The following R3HCC1L variants were observed in gnomAD, a reference collection of about 807,000 sequenced individuals.
R3HCC1L encodes coiled-coil domain-containing protein R3HCC1L.
A neutral mutation model predicts 59.9 loss-of-function variants in R3HCC1L; 51 were observed. The ratio of observed to expected loss-of-function variants is 0.85; its 90% CI spans 0.68 to 1.07. The LOEUF is 1.07. Ranked by LOEUF, R3HCC1L falls within the 50% of genes least tolerant of loss-of-function variation. The pLI, the probability that R3HCC1L is intolerant of heterozygous loss-of-function variation, is 0.00. For missense variants in R3HCC1L, 965 were observed against 933.0 expected (o/e 1.03, Z -0.45); for synonymous variants, 322 against 315.2 (o/e 1.02, Z -0.23).
At chr10:98,227,579 T>G (rs201368831) in intron 5 of R3HCC1L, among the ~76,000 whole-genome samples, 42 of 120,700 alleles carry the variant, frequency 3.5e-4, no homozygotes, top group African/African-American at 4.5e-4. Flanking sequence ...AGTGTGTGTT[T>G]TTTTTTTTTT....
intron 5 of R3HCC1L, among the ~76,000 whole-genome samples, chr10:98,218,797 T>C (rs1437645436): frequency 6.6e-6 from 1 of 152,228 alleles, no homozygotes; most frequent in Non-Finnish European, 1.5e-5. Context: ...TATTATTGTA[T>C]TGGAGTCTAT....
intron 4 of R3HCC1L, among the ~76,000 whole-genome samples, chr10:98,177,076 A>G (rs935208544): frequency 1.3e-5 from 2 of 152,060 alleles, no homozygotes; most frequent in Admixed American, 1.3e-4. Flanking sequence ...ACATGTGCAC[A>G]ATGTGTAGGT....
intron 9 of R3HCC1L, among the ~76,000 whole-genome samples, chr10:98,243,191 C>A (rs1322423597): frequency 6.6e-6 from 1 of 152,218 alleles, no homozygotes; most frequent in African/African-American, 2.4e-5. Flanking sequence ...ATTCTGAATT[C>A]ATCTCGATTT....
chr10:98,239,901 G>A (rs1196481134), intron 9 of R3HCC1L, among the ~76,000 whole-genome samples: 3 of 152,010 alleles, frequency 2.0e-5, no homozygotes, highest in Non-Finnish European at 2.9e-5. Flanking sequence ...TCTCTGTGTT[G>A]CCTAGGCTAG....
chr10:98,244,407 G>A lies in R3HCC1L; in HGVS notation c.*249G>A, dbSNP rs775993184. On this transcript the variant is annotated 3_prime_UTR_variant, in exon 10 of 10. Coordinates refer to ENST00000298999, the MANE Select transcript of R3HCC1L (RefSeq NM_001351015.2). ...CCATCAGCTAGGAAGAAACGTGGGAGATGTGAATTCCAAGAGTTGCCTGGA... is the reference window on the plus strand; with the variant it reads ...CCATCAGCTAGGAAGAAACGTGGGAAATGTGAATTCCAAGAGTTGCCTGGA... The A allele has an allele frequency of 1.4e-5, 5 of 368,916 alleles. No homozygotes were observed. Among genetic ancestry groups the A allele is most frequent in the Non-Finnish European group, 2.5e-5 (5 of 197,902 alleles). The allele number at this position is 368,916 out of a possible 1,614,324, so 22.9% of individuals were successfully genotyped here.
At chr10:98,188,369 C>G (rs1850462579) in intron 4 of R3HCC1L, among the ~76,000 whole-genome samples, 1 of 152,206 alleles carries the variant, frequency 6.6e-6, no homozygotes, top group East Asian at 1.9e-4. Context: ...TTATTGAAAG[C>G]TAAAATATAC....
intron 9 of R3HCC1L, among the ~76,000 whole-genome samples, chr10:98,239,795 A>G (rs189543379): frequency 2.6e-5 from 4 of 152,212 alleles, no homozygotes; most frequent in African/African-American, 9.6e-5. Flanking sequence ...CGTCCCAGGC[A>G]TAAGGAATCC....
intron 2 of R3HCC1L, among the ~76,000 whole-genome samples, chr10:98,161,326 T>G (rs571172082): frequency 5.3e-5 from 8 of 152,330 alleles, no homozygotes; most frequent in South Asian, 4.1e-4. Context: ...TTATATCTTT[T>G]TGTGTGAAAT....
chr10:98,190,501 T>C (rs1850709651), intron 4 of R3HCC1L, among the ~76,000 whole-genome samples: 1 of 152,168 alleles, frequency 6.6e-6, no homozygotes, highest in Non-Finnish European at 1.5e-5. Context: ...CTGTTTAGAA[T>C]AGTATTTCAA....
intron 4 of R3HCC1L, among the ~76,000 whole-genome samples, chr10:98,185,532 A>C (rs1850140260): frequency 6.6e-6 from 1 of 152,178 alleles, no homozygotes; most frequent in African/African-American, 2.4e-5. Context: ...GCTGTAGGGA[A>C]GTAGAGTAGG....
chr10:98,198,787 C>T (rs137863280), intron 4 of R3HCC1L, among the ~76,000 whole-genome samples: 1 of 151,992 alleles, frequency 6.6e-6, no homozygotes, highest in Non-Finnish European at 1.5e-5. Flanking sequence ...CTGAAGCCAA[C>T]AAAACAGAAG....
At chr10:98,163,159 C>T in intron 3 of R3HCC1L, 134 bp from the exon 4 acceptor site, 5 of 334,572 alleles carry the variant, frequency 1.5e-5, no homozygotes, top group Non-Finnish European at 2.2e-5. Context: ...GTCTTCATTG[C>T]ACATTCTATG....
At chr10:98,147,008 A>T (rs1845718591) in intron 1 of R3HCC1L, among the ~76,000 whole-genome samples, 1 of 152,006 alleles carries the variant, frequency 6.6e-6, no homozygotes, top group South Asian at 2.1e-4. Context: ...TGGCTCTATT[A>T]ATTTACATTC....
At chr10:98,153,151 GC>G (rs1409363910) in intron 1 of R3HCC1L, among the ~76,000 whole-genome samples, 7 of 152,230 alleles carry the variant, frequency 4.6e-5, no homozygotes, top group African/African-American at 1.7e-4. Flanking sequence ...GATGACAATG[GC>G]GGTTTTGTGG....
chr10:98,205,558 A>G (rs1347611225), intron 4 of R3HCC1L, among the ~76,000 whole-genome samples: 4 of 152,228 alleles, frequency 2.6e-5, no homozygotes, highest in Non-Finnish European at 5.9e-5. Flanking sequence ...TGACATAAAG[A>G]AAAACATCAA....
At chr10:98,229,721 C>T (rs1306225540) in intron 5 of R3HCC1L, among the ~76,000 whole-genome samples, 1 of 152,176 alleles carries the variant, frequency 6.6e-6, no homozygotes, top group Non-Finnish European at 1.5e-5. Flanking sequence ...GTGGGTTTGT[C>T]ATAAATGGCT....
In R3HCC1L at chr10:98,234,488, C is replaced by T. The variant is rs777142317; in HGVS notation, c.2004C>T (p.Ala668=). ...FDIKWVDDTH[A]LGVFSSPITA... ...TTAAATGGGTGGATGATACACATGC[C>T]CTAGGAGTATTCTCCAGTCCAATTA... is the stretch of plus-strand genomic sequence containing the variant. Residue 668 remains alanine, a synonymous_variant, in exon 7 of 10, where the codon GCC becomes GCT. Coordinates refer to ENST00000298999, the MANE Select transcript of R3HCC1L (RefSeq NM_001351015.2). The T allele has an allele frequency of 1.9e-6, 3 of 1,613,210 alleles. No homozygotes were observed. The highest frequency in any genetic ancestry group is 2.5e-6 in the Non-Finnish European group (3 of 1,179,624).
chr10:98,186,713 T>G (rs564978927), intron 4 of R3HCC1L: 1 of 167,224 alleles, frequency 6.0e-6, no homozygotes, highest in Non-Finnish European at 1.2e-5. Context: ...GATTCAAGAT[T>G]TCAGTGCTTA....
rs116728499 is a variant in R3HCC1L at position 98,237,140 on chromosome 10, G to C, written c.2269+976G>C. 9.8e-3 allele frequency among the ~76,000 whole-genome samples: 1,489 copies of C among 152,284 alleles called. 32 individuals are homozygous for C. The highest frequency in any genetic ancestry group is 0.034 in the African/African-American group (1,415 of 41,566). On this transcript the variant is annotated intron_variant, in intron 9 of 9. Coordinates refer to ENST00000298999, the MANE Select transcript of R3HCC1L (RefSeq NM_001351015.2). ...TGTCATGGCAGGTGCTAGAGTTTCA[G>C]AGTTGAACCCAACTAATTTTTGAAA...
Sources: allele counts gnomAD v4.1 joint callset (sites outside exome capture counted in the v4.1 genomes callset), GRCh38; gene constraint gnomAD v4.1.1; transcripts MANE v1.5; gene names NCBI Gene and HGNC (gene_info 2026-07-23, HGNC 2026-07-21).